ATP6V0A4: variants seen among roughly 807,000 people sequenced by gnomAD.
ATP6V0A4 encodes V-type proton ATPase 116 kDa subunit a 4.
A neutral mutation model predicts 107.3 loss-of-function variants in ATP6V0A4; 86 were observed. That is an observed-to-expected ratio of 0.80 (90% CI 0.67 to 0.96). ATP6V0A4 has a LOEUF of 0.96. Among genes scored for constraint, ATP6V0A4 ranks in the 40% least tolerant of loss-of-function variants. ATP6V0A4 has a pLI of 0.00. For missense variants in ATP6V0A4, 908 were observed against 1,045.6 expected (o/e 0.87, Z 1.81); for synonymous variants, 353 against 381.4 (o/e 0.93, Z 0.87).
intron 5 of ATP6V0A4, 161 bp from the exon 6 acceptor site, chr7:138,763,186 G>GACACACAC (rs3832464): frequency 1.1e-5 from 3 of 262,794 alleles, no homozygotes; most frequent in African/African-American, 2.4e-5. Flanking sequence ...GACACACACA[G>GACACACAC]ACACACACAC....
At chr7:138,762,573 C>T (rs1806877808) in intron 6 of ATP6V0A4, 139 bp from the exon 7 acceptor site, 2 of 1,454,922 alleles carry the variant, frequency 1.4e-6, no homozygotes, top group African/African-American at 1.4e-5. Flanking sequence ...AAACAGAGTG[C>T]TCCTGGCCAG....
chr7:138,777,629 A>AT (rs1554401783), intron 2 of ATP6V0A4, among the ~76,000 whole-genome samples: 1 of 133,122 alleles, frequency 7.5e-6, no homozygotes, highest in African/African-American at 3.9e-5. Context: ...AAAAAAAAAA[A>AT]AAATACACAC....
chr7:138,790,685 A>G (rs991538061), intron 1 of ATP6V0A4, among the ~76,000 whole-genome samples: 5 of 152,222 alleles, frequency 3.3e-5, no homozygotes, highest in African/African-American at 1.2e-4. Flanking sequence ...GAGATGGAGA[A>G]CTTTGGATAT....
intron 2 of ATP6V0A4, among the ~76,000 whole-genome samples, chr7:138,775,959 T>A (rs1807641288): frequency 6.6e-6 from 1 of 151,168 alleles, no homozygotes; most frequent in Non-Finnish European, 1.5e-5. Flanking sequence ...CATTGGCTGA[T>A]TTTTTTATTT....
chr7:138,769,668 T>A (rs886298282), intron 3 of ATP6V0A4, among the ~76,000 whole-genome samples: 1 of 152,136 alleles, frequency 6.6e-6, no homozygotes, highest in Admixed American at 6.6e-5. Context: ...GCTGGAATTA[T>A]CTTAGGAACA....
chr7:138,709,830 T>C, intron 20 of ATP6V0A4, 35 bp from the exon 21 acceptor site: 2 of 1,608,972 alleles, frequency 1.2e-6, no homozygotes, highest in Non-Finnish European at 1.7e-6. Flanking sequence ...GATTATCTTG[T>C]AAATGCAGAT....
chr7:138,782,086 A>G (rs1394997137), intron 2 of ATP6V0A4, among the ~76,000 whole-genome samples: 4 of 152,226 alleles, frequency 2.6e-5, no homozygotes, highest in Non-Finnish European at 4.4e-5. Flanking sequence ...CTGTGGTACC[A>G]GAGTGCCATA....
At chr7:138,715,489 C>G (rs1026058050) in intron 20 of ATP6V0A4, among the ~76,000 whole-genome samples, 7 of 149,642 alleles carry the variant, frequency 4.7e-5, no homozygotes, top group African/African-American at 1.8e-4. Context: ...GTGTGAGCCA[C>G]CGTGCCCGGC....
At chr7:138,739,249 C>CA (rs925039144) in intron 15 of ATP6V0A4, among the ~76,000 whole-genome samples, 3 of 152,304 alleles carry the variant, frequency 2.0e-5, no homozygotes, top group African/African-American at 7.2e-5. Flanking sequence ...GCATACTCCC[C>CA]AGGCAACCAA....
At position 138,798,111 on chromosome 7, in the gene ATP6V0A4, C is replaced by T. The variant is rs1317649447; in HGVS notation, c.-198G>A. The T allele has an allele frequency of 4.4e-6, 7 of 1,597,464 alleles. No homozygotes were observed. Among genetic ancestry groups the T allele is most frequent in the Admixed American group, 1.7e-5 (1 of 57,308 alleles). ...ACTCAGCACAGCCTCCAGCATGCAG[C>T]GCCTCCCCGCTGCCACCCGGGCCAC... is the stretch of plus-strand genomic sequence containing the variant. On this transcript the variant is annotated 5_prime_UTR_variant, in exon 1 of 22. Transcript: ENST00000310018.
intron 15 of ATP6V0A4, 176 bp from the exon 16 acceptor site, chr7:138,734,430 CT>C: frequency 1.9e-6 from 1 of 515,938 alleles, no homozygotes; most frequent in African/African-American, 2.1e-5. Context: ...GGATGAAACC[CT>C]TTATAAATGC....
chr7:138,755,605 C>T (rs1806470931), intron 10 of ATP6V0A4, 84 bp downstream of exon 10: 1 of 1,585,526 alleles, frequency 6.3e-7, no homozygotes, highest in Non-Finnish European at 8.6e-7. Context: ...AGCAAGGGCC[C>T]TGGGGGGCAG....
chr7:138,730,932 T>TTCTTC (rs1419584318), intron 17 of ATP6V0A4, among the ~76,000 whole-genome samples: 1 of 9,834 alleles, frequency 1.0e-4, no homozygotes, highest in African/African-American at 3.3e-4. Context: ...CTTCTTCTTC[T>TTCTTC]TTTTTTATTT....
At chr7:138,718,791 T>G (rs1052189968) in intron 19 of ATP6V0A4, among the ~76,000 whole-genome samples, 1 of 151,924 alleles carries the variant, frequency 6.6e-6, no homozygotes, top group African/African-American at 2.4e-5. Flanking sequence ...GAACCTCAAT[T>G]TAGCAATGAA....
At chr7:138,797,992 G>A in intron 1 of ATP6V0A4, 42 bp downstream of exon 1, 1 of 1,546,608 alleles carries the variant, frequency 6.5e-7, no homozygotes. Context: ...TTCACCTCTG[G>A]CAGAGTTGCT....
rs575024749 is a variant in ATP6V0A4, at chr7:138,760,291, A to C, written c.513-413T>G. ...AAACCCCATCTCTACTAAAAATACA[A>C]AATTAGCCACACCTGGTGGCGTGCA... On this transcript the variant is annotated intron_variant, in intron 7 of 21. Transcript: ENST00000310018. 3.3e-5 allele frequency among the ~76,000 whole-genome samples: 5 copies of C among 152,016 alleles called. No homozygotes were observed. The South Asian group carries it at 1.0e-3, about 32-fold the overall frequency.
At position 138,739,532 on chromosome 7, in the gene ATP6V0A4, A is replaced by G. The variant is rs1429227924; in HGVS notation, c.1572+8T>C. ...TAAGAAATATTTAACCCAAGAAGAC[A>G]TTATTACCGGATCAATCCCAAACGG... is the stretch of plus-strand genomic sequence containing the variant. On this transcript the variant is annotated splice_region_variant and intron_variant, in intron 15 of 21. Coordinates refer to ENST00000310018, the MANE Select transcript of ATP6V0A4 (RefSeq NM_020632.3). 6.2e-7 allele frequency: 1 copy of G among 1,613,932 alleles called. No homozygotes were observed. Among genetic ancestry groups the G allele is most frequent in the Non-Finnish European group, 8.5e-7 (1 of 1,179,944 alleles).
intron 3 of ATP6V0A4, among the ~76,000 whole-genome samples, chr7:138,770,608 C>T (rs1010394237): frequency 2.0e-5 from 3 of 152,130 alleles, no homozygotes; most frequent in Non-Finnish European, 2.9e-5. Flanking sequence ...AATTAGACTA[C>T]GAACTTGGTG....
intron 9 of ATP6V0A4, 65 bp downstream of exon 9, chr7:138,756,393 T>G (rs1277167107): frequency 1.2e-6 from 2 of 1,606,272 alleles, no homozygotes; most frequent in African/African-American, 2.7e-5. Context: ...GCATTTGGCA[T>G]TGCACATCTC....
Sources: allele counts gnomAD v4.1 joint callset (sites outside exome capture counted in the v4.1 genomes callset), GRCh38; gene constraint gnomAD v4.1.1; transcripts MANE v1.5; gene names NCBI Gene and HGNC (gene_info 2026-07-23, HGNC 2026-07-21).